The following OTOA variants were observed in gnomAD, a reference collection of about 807,000 sequenced individuals.
OTOA encodes the protein cancer/testis antigen 108.
OTOA carries 70 observed loss-of-function variants against 110.8 expected under a neutral mutation model. The ratio of observed to expected loss-of-function variants is 0.63; its 90% CI spans 0.52 to 0.77. The LOEUF (loss-of-function observed/expected upper bound fraction) is 0.77. Ranked by LOEUF, OTOA falls within the 30% of genes least tolerant of loss-of-function variation. OTOA has a pLI of 0.00. For synonymous variants in OTOA, 373 were observed against 431.5 expected (o/e 0.86, Z 1.68); for missense variants, 917 against 1,075.8 (o/e 0.85, Z 2.06).
At chr16:21,710,377 G>A (rs1302511051) in intron 13 of OTOA, among the ~76,000 whole-genome samples, 8 of 152,064 alleles carry the variant, frequency 5.3e-5, no homozygotes, top group African/African-American at 1.7e-4. Context: ...CGTCTTACAA[G>A]GAAACTAATC....
chr16:21,672,443 C>T (rs1365512179), intron 1 of OTOA, among the ~76,000 whole-genome samples: 4 of 151,860 alleles, frequency 2.6e-5, no homozygotes, highest in South Asian at 2.1e-4. Context: ...ACCAACATGG[C>T]GAAACCCCAT....
At chr16:21,686,465 A>T (rs1014660265) in intron 7 of OTOA, among the ~76,000 whole-genome samples, 2 of 151,942 alleles carry the variant, frequency 1.3e-5, no homozygotes, top group South Asian at 2.1e-4. Flanking sequence ...ATTTTAAAAA[A>T]TTTATTTTTT....
chr16:21,719,443 A>T lies in OTOA; in HGVS notation c.1745A>T (p.Asp582Val), dbSNP rs1372179810. 2.5e-6 allele frequency: 4 copies of T among 1,614,084 alleles called. No individual in the cohort carries two copies. The highest frequency in any genetic ancestry group is 3.4e-6 in the Non-Finnish European group (4 of 1,180,018). The change falls in exon 17 of 29, where the codon GAC becomes GTC. Residue 582 changes from aspartate (D) to valine (V), a missense_variant. This residue lies in a region of OTOA where 840 missense variants were observed against 910.2 expected (regional missense o/e 0.92). Coordinates refer to ENST00000646100, the MANE Select transcript of OTOA (RefSeq NM_144672.4). The stretch of plus-strand genomic sequence containing the variant: ...TCACACATTGATGCCATGAGCACTG[A>T]CTTCTTTCTGGCCCATTTCCAGGAT... ...TCSHIDAMST[D>V]FFLAHFQDFQ...
chr16:21,737,018 T>A (rs949323209), intron 22 of OTOA, among the ~76,000 whole-genome samples: 1 of 152,302 alleles, frequency 6.6e-6, no homozygotes, highest in Non-Finnish European at 1.5e-5. Context: ...CACTCCTGAG[T>A]CTGCCACTTA....
intron 1 of OTOA, among the ~76,000 whole-genome samples, chr16:21,664,721 C>T (rs1048552742): frequency 2.0e-5 from 3 of 152,058 alleles, no homozygotes; most frequent in Non-Finnish European, 4.4e-5. Flanking sequence ...CCTGTAATCC[C>T]AGCACTTTGG....
chr16:21,725,380 G>A (rs544062339), intron 18 of OTOA, among the ~76,000 whole-genome samples: 2 of 152,196 alleles, frequency 1.3e-5, no homozygotes, highest in South Asian at 4.1e-4. Context: ...TGTCTCCCAG[G>A]TTCAAGTGAT....
chr16:21,692,263 AT>A (rs1567370661), intron 9 of OTOA, among the ~76,000 whole-genome samples: 3 of 151,688 alleles, frequency 2.0e-5, no homozygotes, highest in African/African-American at 7.3e-5. Context: ...GGAGGCAGAG[AT>A]TGCAGTGAGC....
In OTOA at chr16:21,690,369, A is replaced by T. The variant is rs1421484861; in HGVS notation, c.636-1215A>T. Among the ~76,000 whole-genome samples, 8 of 129,242 alleles carry T rather than the reference A, an allele frequency of 6.2e-5. No homozygotes were observed. In the East Asian group the frequency reaches 2.0e-3, roughly 32 times the overall value. 84.8% of individuals were successfully genotyped at this position (129,242 alleles called of 152,430 possible). ...CCACCCCACCCCCACAATAGGACCCAGTGTGTGTTGTTCCCCTCCCTGTGT... is the reference window on the plus strand; with the variant it reads ...CCACCCCACCCCCACAATAGGACCCTGTGTGTGTTGTTCCCCTCCCTGTGT... On this transcript the variant is annotated intron_variant, in intron 8 of 28. Transcript: ENST00000646100.
rs775318682 is a variant in OTOA at position 21,710,017 on chromosome 16, G to A, written c.1234G>A (p.Gly412Arg). 33 of 1,614,052 alleles carry A rather than the reference G, an allele frequency of 2.0e-5. No individual in the cohort carries two copies. The highest frequency in any genetic ancestry group is 5.5e-5 in the South Asian group (5 of 91,080). Residue 412 changes from glycine (G) to arginine (R), a missense_variant, in exon 13 of 29, where the codon GGA (glycine) becomes AGA (arginine). Gly to Arg is a moderately radical substitution (Grantham distance 125, BLOSUM62 -2). This residue lies in a region of OTOA where 840 missense variants were observed against 910.2 expected (regional missense o/e 0.92). Coordinates refer to ENST00000646100, the MANE Select transcript of OTOA (RefSeq NM_144672.4). The stretch of plus-strand genomic sequence containing the variant: ...ATCCCTCTCCCCCGAGGCTGTGCAC[G>A]GAGCCATCTCCACCCTCAACCAGGT... ...LESLSPEAVH[G>R]AISTLNQVSG...
At position 21,735,510 on chromosome 16, in the gene OTOA, A is replaced by G. The variant is rs575545458; in HGVS notation, c.2302-751A>G. ...CATTTCAATAAGATTTGGGTGGGGT[A>G]CACATCCAAACTATGTCAAATATAA... On this transcript the variant is annotated intron_variant, in intron 21 of 28. Coordinates refer to ENST00000646100, the MANE Select transcript of OTOA (RefSeq NM_144672.4). 7.9e-5 allele frequency among the ~76,000 whole-genome samples: 12 copies of G among 152,318 alleles called. No individual in the cohort carries two copies. In the South Asian group the frequency reaches 2.5e-3, roughly 32 times the overall value.
chr16:21,689,148 C>T (rs1282512101), intron 8 of OTOA, among the ~76,000 whole-genome samples: 4 of 152,068 alleles, frequency 2.6e-5, no homozygotes, highest in Non-Finnish European at 4.4e-5. Flanking sequence ...CCTCCTTTTA[C>T]TAATCGTAGT....
At chr16:21,710,133 T>C in intron 13 of OTOA, 30 bp downstream of exon 13, 1 of 1,562,828 alleles carries the variant, frequency 6.4e-7, no homozygotes. Context: ...TCTTTTTTAT[T>C]CCCCTAAGAT....
At chr16:21,692,940 A>AAAG (rs1897861535) in intron 9 of OTOA, among the ~76,000 whole-genome samples, 3 of 149,802 alleles carry the variant, frequency 2.0e-5, no homozygotes, top group Non-Finnish European at 3.0e-5. Context: ...AAAAAAAAAA[A>AAAG]AAAAAGAAAG....
intron 19 of OTOA, chr16:21,726,966 A>G: frequency 2.6e-6 from 1 of 379,672 alleles, no homozygotes; most frequent in Non-Finnish European, 5.0e-6. Context: ...CCTGAGCCTC[A>G]GTCTTCTCAT....
intron 17 of OTOA, among the ~76,000 whole-genome samples, chr16:21,719,743 A>C (rs907632445): frequency 6.6e-6 from 1 of 152,184 alleles, no homozygotes. Flanking sequence ...TAAGCCTTAA[A>C]ATATATTCAT....
At chr16:21,696,964 GCTGTAGCCT>G (rs1897955395) in intron 9 of OTOA, among the ~76,000 whole-genome samples, 1 of 150,660 alleles carries the variant, frequency 6.6e-6, no homozygotes, top group Admixed American at 6.6e-5. Context: ...AGTAGAGTGA[GCTGTAGCCT>G]CAAATTCCTG....
At chr16:21,758,008 G>A (rs1257809889) in intron 28 of OTOA, among the ~76,000 whole-genome samples, 3 of 152,210 alleles carry the variant, frequency 2.0e-5, no homozygotes, top group Admixed American at 2.0e-4. Flanking sequence ...AGGTGACCAA[G>A]ATAGATAAGG....
At chr16:21,701,457 A>G (rs974147826) in intron 11 of OTOA, among the ~76,000 whole-genome samples, 1 of 152,138 alleles carries the variant, frequency 6.6e-6, no homozygotes, top group African/African-American at 2.4e-5. Context: ...GAGCCCCTGG[A>G]TGAGATCAGC....
At chr16:21,736,692 G>A (rs1427556186) in intron 22 of OTOA, among the ~76,000 whole-genome samples, 1 of 152,076 alleles carries the variant, frequency 6.6e-6, no homozygotes, top group Non-Finnish European at 1.5e-5. Context: ...TTAGCCGGGT[G>A]TGGTGGTGCA....
Sources: gnomAD v4.1 joint callset for allele counts (sites outside exome capture counted in the v4.1 genomes callset) on GRCh38, gnomAD v4.1.1 for gene constraint, gnomAD v4.1.1 regional missense constraint, MANE v1.5 for transcripts, NCBI Gene and HGNC (gene_info 2026-07-23, HGNC 2026-07-21) for gene names.